Variants in RASA1 observed in about 807,000 individuals in gnomAD.
The protein encoded by RASA1 is ras GTPase-activating protein 1.
RASA1 carries 25 observed loss-of-function variants against 132.2 expected under a neutral mutation model. That is an observed-to-expected ratio of 0.19 (90% CI 0.14 to 0.26). The LOEUF (loss-of-function observed/expected upper bound fraction) is 0.26. RASA1 is among the 10% of genes least tolerant of loss of function. RASA1 has a pLI of 1.00. For synonymous variants in RASA1, 477 were observed against 449.9 expected (o/e 1.06, Z -0.76); for missense variants, 964 against 1,299.2 (o/e 0.74, Z 3.97).
chr5:87,380,069 A>T (rs1158862198), intron 19 of RASA1, among the ~76,000 whole-genome samples: 1 of 152,170 alleles, frequency 6.6e-6, no homozygotes, highest in Non-Finnish European at 1.5e-5. Flanking sequence ...TTTGTACTGT[A>T]GTAGCTTGGG....
intron 5 of RASA1, among the ~76,000 whole-genome samples, chr5:87,339,285 C>T (rs1317567942): frequency 6.6e-6 from 1 of 152,120 alleles, no homozygotes; most frequent in Non-Finnish European, 1.5e-5. Flanking sequence ...TGGTGTGATA[C>T]AGTCCATACT....
At chr5:87,331,270 G>A in intron 1 of RASA1, 78 bp from the exon 2 acceptor site, 2 of 1,391,446 alleles carry the variant, frequency 1.4e-6, no homozygotes, top group Non-Finnish European at 2.0e-6. Context: ...AAAACCTCTA[G>A]TAGTATGTTT....
At chr5:87,351,238 G>T (rs761571396) in intron 8 of RASA1, among the ~76,000 whole-genome samples, 1 of 150,604 alleles carries the variant, frequency 6.6e-6, no homozygotes, top group Non-Finnish European at 1.5e-5. Context: ...GCCATTTATC[G>T]ACTTATCTAC....
At chr5:87,314,644 G>T (rs943977532) in intron 1 of RASA1, among the ~76,000 whole-genome samples, 2 of 152,090 alleles carry the variant, frequency 1.3e-5, no homozygotes, top group African/African-American at 2.4e-5. Flanking sequence ...TCATAGCTTG[G>T]GTATCTGGAT....
intron 1 of RASA1, among the ~76,000 whole-genome samples, chr5:87,280,092 T>C (rs1754249729): frequency 6.6e-6 from 1 of 152,232 alleles, no homozygotes; most frequent in South Asian, 2.1e-4. Context: ...TCTGTTTCTC[T>C]TACTGCCTGC....
chr5:87,278,909 C>CTTTTTTTTTTTT (rs58122450), intron 1 of RASA1, among the ~76,000 whole-genome samples: 6 of 83,994 alleles, frequency 7.1e-5, no homozygotes, highest in Admixed American at 1.8e-4. Flanking sequence ...CTAATTTGTT[C>CTTTTTTTTTTTT]TTTTTTTTTT....
chr5:87,269,379 A>G, intron 1 of RASA1: 1 of 1,432,460 alleles, frequency 7.0e-7, no homozygotes, highest in African/African-American at 1.4e-5. Flanking sequence ...CTAGATGATT[A>G]GTGAGAAGCT....
intron 1 of RASA1, among the ~76,000 whole-genome samples, chr5:87,276,379 C>T (rs780463124): frequency 1.4e-4 from 22 of 152,074 alleles, no homozygotes; most frequent in Non-Finnish European, 2.5e-4. Flanking sequence ...TTTTGTGCTG[C>T]GTTAAAAATT....
At chr5:87,302,825 C>T (rs1450934461) in intron 1 of RASA1, among the ~76,000 whole-genome samples, 1 of 151,778 alleles carries the variant, frequency 6.6e-6, no homozygotes, top group Non-Finnish European at 1.5e-5. Context: ...CTGACTTTTT[C>T]AGCTTTATAT....
intron 21 of RASA1, among the ~76,000 whole-genome samples, 191 bp from the exon 22 acceptor site, chr5:87,385,106 TTTAA>T (rs1467053025): frequency 6.6e-6 from 1 of 152,140 alleles, no homozygotes; most frequent in African/African-American, 2.4e-5. Flanking sequence ...CTTTTTCTCT[TTTAA>T]TTCAAGTTCT....
At chr5:87,376,141 G>A in intron 15 of RASA1, 1 of 521,214 alleles carries the variant, frequency 1.9e-6, no homozygotes, top group Non-Finnish European at 3.4e-6. Context: ...TTGCCTTCTT[G>A]ACTAAACTGA....
At chr5:87,280,255 C>T (rs1471693447) in intron 1 of RASA1, among the ~76,000 whole-genome samples, 1 of 152,220 alleles carries the variant, frequency 6.6e-6, no homozygotes, top group African/African-American at 2.4e-5. Flanking sequence ...ATCCCTCAGT[C>T]CAGTCAAGCT....
rs76002026 is a variant in RASA1 at position 87,279,931 on chromosome 5, C to G, written c.539+10941C>G. 6.7e-4 allele frequency among the ~76,000 whole-genome samples: 102 copies of G among 152,348 alleles called. 1 individual carries two copies. In the East Asian group the frequency reaches 0.019, roughly 29 times the overall value. The stretch of plus-strand genomic sequence containing the variant: ...TTGGAAAGCCTCAAAGCCAGGAAAG[C>G]TGACAGTCTGAGGCCAAAGGCCTGA... On this transcript the variant is annotated intron_variant, in intron 1 of 24. Transcript: ENST00000274376.
chr5:87,360,039 T>G (rs2112449518), intron 9 of RASA1, among the ~76,000 whole-genome samples: 1 of 152,298 alleles, frequency 6.6e-6, no homozygotes, highest in Non-Finnish European at 1.5e-5. Flanking sequence ...TCTTGCATTG[T>G]ATCTATCATA....
At chr5:87,374,384 T>G in intron 14 of RASA1, 64 bp downstream of exon 14, 1 of 1,478,322 alleles carries the variant, frequency 6.8e-7, no homozygotes, top group Non-Finnish European at 9.2e-7. Context: ...CTTTCTGTTT[T>G]TTTGGTCTCT....
rs922682551 is a variant in RASA1, at chr5:87,391,906, G to T, written c.*1023G>T. The T allele has an allele frequency of 2.6e-5, 6 of 226,978 alleles. No individual in the cohort carries two copies. The highest frequency in any genetic ancestry group is 4.4e-5 in the Non-Finnish European group (5 of 114,196). The allele number at this position is 226,978 out of a possible 1,614,324, so 14.1% of individuals were successfully genotyped here. A position where few individuals can be genotyped will look rare whatever the true frequency, so the allele number is the denominator to read the frequency against. On this transcript the variant is annotated 3_prime_UTR_variant, in exon 25 of 25. Coordinates refer to ENST00000274376, the MANE Select transcript of RASA1 (RefSeq NM_002890.3). ...AGGTTAAGTTAAAATAAAACCAAGG[G>T]ATATCTTGCATAATTGATTACTTCT...
chr5:87,387,786 A>G (rs891486288), intron 23 of RASA1, among the ~76,000 whole-genome samples: 1 of 152,174 alleles, frequency 6.6e-6, no homozygotes, highest in Admixed American at 6.5e-5. Flanking sequence ...CTCCATATTT[A>G]TAGTGAAATT....
At chr5:87,285,679 G>T in intron 1 of RASA1, among the ~76,000 whole-genome samples, 1 of 144,622 alleles carries the variant, frequency 6.9e-6, no homozygotes, top group African/African-American at 2.6e-5. Flanking sequence ...GTGCAATGGC[G>T]TGATCTTGGC....
chr5:87,269,081 C>T (rs1222266238), intron 1 of RASA1, 91 bp downstream of exon 1: 2 of 1,613,892 alleles, frequency 1.2e-6, no homozygotes, highest in Non-Finnish European at 1.7e-6. Flanking sequence ...TCCTTTTCAT[C>T]TGTGGTTTGT....
Sources: allele counts gnomAD v4.1 joint callset (sites outside exome capture counted in the v4.1 genomes callset), GRCh38; gene constraint gnomAD v4.1.1; transcripts MANE v1.5; gene names NCBI Gene and HGNC (gene_info 2026-07-23, HGNC 2026-07-21).